PCBP2: variants seen among roughly 807,000 people sequenced by gnomAD.
The protein encoded by PCBP2 is poly(rC) binding protein 2.
PCBP2 carries 4 observed loss-of-function variants against 50.1 expected under a neutral mutation model. That is an observed-to-expected ratio of 0.08 (90% CI 0.04 to 0.18). The LOEUF is 0.18. Ranked by LOEUF, PCBP2 falls within the 10% of genes least tolerant of loss-of-function variation. The pLI is 1.00. For synonymous variants in PCBP2, 179 were observed against 168.0 expected, an observed-to-expected ratio of 1.07 and a Z score of -0.51; for missense variants, 161 against 474.3, an observed-to-expected ratio of 0.34 and a Z score of 6.14.
chr12:53,464,283 C>T (rs937296108), intron 8 of PCBP2, among the ~76,000 whole-genome samples: 2 of 151,936 alleles, frequency 1.3e-5, no homozygotes, highest in Non-Finnish European at 2.9e-5. Context: ...TCACACCTCC[C>T]CCTTCATACC....
intron 13 of PCBP2, among the ~76,000 whole-genome samples, chr12:53,470,411 GC>G (rs1463934034): frequency 4.1e-5 from 6 of 145,064 alleles, no homozygotes; most frequent in Non-Finnish European, 6.0e-5. Flanking sequence ...AAGTGTAGTG[GC>G]TTTTTTTTTT....
chr12:53,465,972 A>G lies in PCBP2; in HGVS notation c.713A>G (p.Asp238Gly). The G allele has an allele frequency of 6.2e-7, 1 of 1,613,748 alleles. No individual in the cohort carries two copies. The highest frequency in any genetic ancestry group is 8.5e-7 in the Non-Finnish European group (1 of 1,179,678). ...IQGQYAIPQP[D>G]LTKLHQLAMQ... ...GGACAGTATGCCATTCCACAGCCAGATGTAAGTTTTGTTTTCACTTCTTGT... is the reference window on the plus strand; with the variant it reads ...GGACAGTATGCCATTCCACAGCCAGGTGTAAGTTTTGTTTTCACTTCTTGT... The change falls in exon 10 of 15, where the codon GAT (aspartate) becomes GGT (glycine). Residue 238 changes from aspartate to glycine, a missense_variant and splice_region_variant. Transcript: ENST00000546463.
intron 10 of PCBP2, among the ~76,000 whole-genome samples, chr12:53,466,795 C>G (rs1414804400): frequency 6.6e-6 from 1 of 152,038 alleles, no homozygotes; most frequent in Non-Finnish European, 1.5e-5. Flanking sequence ...CCCTGCCCCC[C>G]TCATCTCCTT....
intron 14 of PCBP2, among the ~76,000 whole-genome samples, chr12:53,472,033 T>C (rs1475408050): frequency 6.6e-6 from 1 of 151,982 alleles, no homozygotes; most frequent in Non-Finnish European, 1.5e-5. Flanking sequence ...TGCCCGCATT[T>C]AACTTGATGG....
intron 9 of PCBP2, 41 bp downstream of exon 9, chr12:53,464,893 TC>T: frequency 1.9e-6 from 3 of 1,558,098 alleles, no homozygotes; most frequent in Non-Finnish European, 2.6e-6. Flanking sequence ...ACTCAATCCT[TC>T]CGCCTCAGCC....
intron 7 of PCBP2, 32 bp downstream of exon 7, chr12:53,461,175 G>A: frequency 1.9e-6 from 3 of 1,610,648 alleles, no homozygotes; most frequent in Non-Finnish European, 2.5e-6. Context: ...GAAAATGGGG[G>A]GAGGGCCATT....
intron 1 of PCBP2, among the ~76,000 whole-genome samples, chr12:53,454,091 A>G (rs980026971): frequency 1.3e-5 from 2 of 152,226 alleles, no homozygotes; most frequent in Non-Finnish European, 2.9e-5. Flanking sequence ...TACTTAATGT[A>G]TCGAGTCATT....
At chr12:53,457,984 A>G (rs1337950979) in intron 5 of PCBP2, among the ~76,000 whole-genome samples, 2 of 152,116 alleles carry the variant, frequency 1.3e-5, no homozygotes, top group Non-Finnish European at 2.9e-5. Flanking sequence ...GCTGGAGTGC[A>G]GTGGTGGGTT....
At chr12:53,466,024 A>G in intron 10 of PCBP2, 51 bp downstream of exon 10, 1 of 1,526,398 alleles carries the variant, frequency 6.6e-7, no homozygotes, top group Non-Finnish European at 9.1e-7. Context: ...TCCCATCCAA[A>G]ATTGTCTCAC....
chr12:53,461,826 G>C (rs1941467419), intron 7 of PCBP2, among the ~76,000 whole-genome samples: 1 of 152,046 alleles, frequency 6.6e-6, no homozygotes, highest in Admixed American at 6.6e-5. Context: ...CCTCTCACCT[G>C]TCTCCCCAGT....
At chr12:53,465,022 C>G in intron 9 of PCBP2, 170 bp downstream of exon 9, 4 of 749,532 alleles carry the variant, frequency 5.3e-6, no homozygotes, top group South Asian at 9.6e-5. Context: ...GCCGCGTAGC[C>G]CACCAGATGG....
chr12:53,456,699 G>T (rs1187094907), intron 5 of PCBP2, among the ~76,000 whole-genome samples: 3 of 152,170 alleles, frequency 2.0e-5, no homozygotes, highest in Admixed American at 2.0e-4. Flanking sequence ...ATTTGTTGGG[G>T]AGAGACCTAG....
At chr12:53,467,483 G>C in intron 11 of PCBP2, 190 bp downstream of exon 11, 3 of 652,888 alleles carry the variant, frequency 4.6e-6, no homozygotes, top group Admixed American at 5.3e-5. Flanking sequence ...TTTGGGGTCA[G>C]TTATTCTAAA....
chr12:53,468,765 T>C lies in PCBP2; in HGVS notation c.827-12T>C, dbSNP rs772662971. The C allele has an allele frequency of 2.5e-6, 4 of 1,609,416 alleles. No individual in the cohort carries two copies. Among genetic ancestry groups the C allele is most frequent in the Non-Finnish European group, 3.4e-6 (4 of 1,175,872 alleles). Reference sequence around the variant, plus strand: ...TGTGCATTGAATTTGCTTGCTCTCTTCTGTCTTTTAGCAGGTTTGGATGCA... The same window carrying C: ...TGTGCATTGAATTTGCTTGCTCTCTCCTGTCTTTTAGCAGGTTTGGATGCA... On this transcript the variant is annotated splice_polypyrimidine_tract_variant and intron_variant, in intron 12 of 14. Transcript: ENST00000546463.
chr12:53,464,685 T>G, intron 8 of PCBP2, 75 bp from the exon 9 acceptor site: 1 of 1,557,610 alleles, frequency 6.4e-7, no homozygotes, highest in Non-Finnish European at 8.6e-7. Flanking sequence ...ACAACTTTTT[T>G]TGTGTGAATT....
chr12:53,474,241 G>A (rs561797322), intron 14 of PCBP2, among the ~76,000 whole-genome samples: 5 of 152,024 alleles, frequency 3.3e-5, no homozygotes, highest in African/African-American at 1.2e-4. Context: ...AGCTTCCCTA[G>A]TTCTTATCTA....
chr12:53,469,778 T>TG lies in PCBP2; in HGVS notation c.882+946_882+947insG, dbSNP rs1452345318. ...TTTGCTGCTTTTTTTTTTTTTTTTT[T>TG]TGAGACGGCATCTTGCTCTGTTTCC... On this transcript the variant is annotated intron_variant, in intron 13 of 14. Transcript: ENST00000546463. 2.4e-4 allele frequency among the ~76,000 whole-genome samples: 36 copies of TG among 150,710 alleles called. No individual in the cohort carries two copies. In the East Asian group the frequency reaches 5.6e-3, roughly 23 times the overall value.
chr12:53,480,984 C>T lies in PCBP2; in HGVS notation c.*1542C>T, dbSNP rs1592703686. The T allele has an allele frequency of 1.1e-5, 2 of 190,308 alleles. No homozygotes were observed. Among genetic ancestry groups the T allele is most frequent in the East Asian group, 2.6e-4 (2 of 7,700 alleles). The allele number at this position is 190,308 out of a possible 1,614,324, so 11.8% of individuals were successfully genotyped here. On this transcript the variant is annotated 3_prime_UTR_variant, in exon 15 of 15. Transcript: ENST00000546463. ...CCTTAGCCACAGCTCTACGGCTGTGCCTCATTCATTTCCACAGCTGCCAGT... is the reference window on the plus strand; with the variant it reads ...CCTTAGCCACAGCTCTACGGCTGTGTCTCATTCATTTCCACAGCTGCCAGT...
intron 1 of PCBP2, among the ~76,000 whole-genome samples, chr12:53,454,012 A>G (rs1273837720): frequency 6.6e-6 from 1 of 152,208 alleles, no homozygotes; most frequent in Non-Finnish European, 1.5e-5. Context: ...ACACAAAAGC[A>G]AGGAAAACAT....
Sources: allele counts gnomAD v4.1 joint callset (sites outside exome capture counted in the v4.1 genomes callset), GRCh38; gene constraint gnomAD v4.1.1; transcripts MANE v1.5; gene names NCBI Gene and HGNC (gene_info 2026-07-23, HGNC 2026-07-21).